Variants in CDYL observed in about 807,000 individuals in gnomAD.
The protein encoded by CDYL is chromodomain Y-like protein.
Under a neutral mutation model 47.3 loss-of-function variants are expected in CDYL, and 8 were observed. The observed-to-expected ratio is 0.17, with a 90% CI of 0.10 to 0.31. The LOEUF (loss-of-function observed/expected upper bound fraction) is 0.31. CDYL is among the 10% of genes least tolerant of loss of function. CDYL has a pLI of 1.00. For missense variants in CDYL, 471 were observed against 701.4 expected, an observed-to-expected ratio of 0.67 and a Z score of 3.71; for synonymous variants, 266 against 265.0, an observed-to-expected ratio of 1.00 and a Z score of -0.04.
At chr6:4,732,948 T>C (rs1321089598) in intron 2 of CDYL, among the ~76,000 whole-genome samples, 3 of 152,134 alleles carry the variant, frequency 2.0e-5, no homozygotes, top group African/African-American at 4.8e-5. Context: ...TGAAAGCTAC[T>C]TCGGATCCTC....
In CDYL at chr6:4,954,189, A is replaced by T; in HGVS notation, c.*133A>T. 1.2e-6 allele frequency: 1 copy of T among 812,318 alleles called. No homozygotes were observed. Among genetic ancestry groups the T allele is most frequent in the Non-Finnish European group, 1.9e-6 (1 of 537,014 alleles). The allele number at this position is 812,318 out of a possible 1,614,324, so 50.3% of individuals were successfully genotyped here. A position where few individuals can be genotyped will look rare whatever the true frequency, so the allele number is the denominator to read the frequency against. On this transcript the variant is annotated 3_prime_UTR_variant, in exon 7 of 7. Coordinates refer to ENST00000397588, the MANE Select transcript of CDYL (RefSeq NM_004824.4). The stretch of plus-strand genomic sequence containing the variant: ...CTTACGCTTGGAAGCAGGACTGGGA[A>T]CATCCACGCTATTTATTATCGAGGA...
chr6:4,865,180 G>A (rs1761286356), intron 1 of CDYL, among the ~76,000 whole-genome samples: 2 of 152,070 alleles, frequency 1.3e-5, no homozygotes, highest in Admixed American at 1.3e-4. Context: ...AGTTACTCCT[G>A]GTCACCTGCT....
At position 4,940,449 on chromosome 6, in the gene CDYL, C is replaced by CTTGGAGGCAAAGGACTTCATCGTT. The variant is rs1477461964; in HGVS notation, c.1121+2735_1121+2736insTTTGGAGGCAAAGGACTTCATCGT. ...GTGTCTTGTCTCATGTTCCTTAAAA[C>CTTGGAGGCAAAGGACTTCATCGTT]TTGGAGGCAAAGGACTTCATCGTAG... On this transcript the variant is annotated intron_variant, in intron 4 of 6. Coordinates refer to ENST00000397588, the MANE Select transcript of CDYL (RefSeq NM_004824.4). Among the ~76,000 whole-genome samples, 977 of 152,270 alleles carry CTTGGAGGCAAAGGACTTCATCGTT rather than the reference C, an allele frequency of 6.4e-3. 48 individuals carry two copies. The highest frequency in any genetic ancestry group is 0.055 in the Admixed American group (845 of 15,286).
At chr6:4,880,042 G>A (rs1005633328) in intron 1 of CDYL, among the ~76,000 whole-genome samples, 2 of 151,790 alleles carry the variant, frequency 1.3e-5, no homozygotes, top group African/African-American at 2.4e-5. Flanking sequence ...ACATTGACAC[G>A]TCATCACCCC....
intron 2 of CDYL, among the ~76,000 whole-genome samples, chr6:4,901,200 A>T (rs1757043544): frequency 6.6e-6 from 1 of 152,176 alleles, no homozygotes; most frequent in African/African-American, 2.4e-5. Flanking sequence ...AATATTTCTA[A>T]CTATAGTTCT....
intron 1 of CDYL, among the ~76,000 whole-genome samples, chr6:4,839,726 TGTAA>T (rs1486141612): frequency 9.2e-5 from 14 of 152,230 alleles, no homozygotes; most frequent in African/African-American, 3.4e-4. Flanking sequence ...ATCAGTTGGC[TGTAA>T]GTATTTGACT....
chr6:4,904,269 C>T (rs1268976017), intron 2 of CDYL, among the ~76,000 whole-genome samples: 2 of 152,228 alleles, frequency 1.3e-5, no homozygotes, highest in East Asian at 1.9e-4. Flanking sequence ...ATGAGATAAA[C>T]TGTCTCTTTT....
Position 4,838,304 on chromosome 6 carries a change from C to T in CDYL, c.25-53409C>T, listed in dbSNP as rs559309219. 2.0e-5 allele frequency among the ~76,000 whole-genome samples: 3 copies of T among 152,082 alleles called. No homozygotes were observed. The South Asian group carries it at 6.2e-4, about 32-fold the overall frequency. On this transcript the variant is annotated intron_variant, in intron 1 of 6. Coordinates refer to ENST00000397588, the MANE Select transcript of CDYL (RefSeq NM_004824.4). ...AATGTGTCGTCTTTTATCCCTCACC[C>T]CCCTCCCACCCTTTCCCCCAAGCCT...
chr6:4,759,170 C>T (rs59797348), intron 3 of CDYL, among the ~76,000 whole-genome samples: 25,624 of 151,836 alleles, frequency 0.17, 3,068 homozygotes, highest in African/African-American at 0.34. Flanking sequence ...GGGGTTTCAC[C>T]GTGTTACCCA....
At chr6:4,716,314 C>T (rs1332844462) in intron 2 of CDYL, among the ~76,000 whole-genome samples, 4 of 151,230 alleles carry the variant, frequency 2.6e-5, no homozygotes, top group Non-Finnish European at 4.4e-5. Flanking sequence ...TCTGGTATTC[C>T]AGTCATAATA....
chr6:4,725,932 A>G (rs143482247), intron 2 of CDYL, among the ~76,000 whole-genome samples: 1 of 151,998 alleles, frequency 6.6e-6, no homozygotes, highest in African/African-American at 2.4e-5. Flanking sequence ...CAAAGCCAAA[A>G]ACAAAAGAGC....
intron 1 of CDYL, among the ~76,000 whole-genome samples, chr6:4,783,293 T>TGCA: frequency 6.6e-6 from 1 of 151,966 alleles, no homozygotes; most frequent in Non-Finnish European, 1.5e-5. Context: ...GTCTTTATTT[T>TGCA]GCCATCATTT....
intron 1 of CDYL, among the ~76,000 whole-genome samples, chr6:4,779,691 C>T (rs1581161432): frequency 6.6e-6 from 1 of 152,130 alleles, no homozygotes; most frequent in Non-Finnish European, 1.5e-5. Flanking sequence ...ATTTTTGATG[C>T]GGCGTAGGTT....
In CDYL at chr6:4,892,182, A is replaced by G; in HGVS notation, c.494A>G (p.Lys165Arg). ...GGCTTTCAGAGCGAGAGCCCTGAGA[A>G]ACTGGACCCCGTCGAGCAGGGTCAG... is the stretch of plus-strand genomic sequence containing the variant. ...VDGFQSESPE[K>R]LDPVEQGQED... is the part of the protein sequence containing the mutation. Residue 165 changes from lysine to arginine, a missense_variant, in exon 2 of 7, where the codon AAA becomes AGA. Coordinates refer to ENST00000397588, the MANE Select transcript of CDYL (RefSeq NM_004824.4). 2 of 1,614,208 alleles carry G rather than the reference A, an allele frequency of 1.2e-6. No individual in the cohort carries two copies. The highest frequency in any genetic ancestry group is 1.7e-6 in the Non-Finnish European group (2 of 1,180,036).
chr6:4,931,664 G>A (rs1758037265), intron 2 of CDYL, among the ~76,000 whole-genome samples: 1 of 152,168 alleles, frequency 6.6e-6, no homozygotes, highest in African/African-American at 2.4e-5. Flanking sequence ...CCTAAATAGT[G>A]CAAAGTTCAG....
At chr6:4,724,561 T>C (rs892111253) in intron 2 of CDYL, 1 of 152,322 alleles carries the variant, frequency 6.6e-6, no homozygotes, top group African/African-American at 2.4e-5. Context: ...AAAGGCAGCG[T>C]GTCCGGAGTT....
chr6:4,910,345 T>C (rs1267817080), intron 2 of CDYL, among the ~76,000 whole-genome samples: 1 of 152,254 alleles, frequency 6.6e-6, no homozygotes, highest in Non-Finnish European at 1.5e-5. Context: ...GATTAAGTTC[T>C]TGTCTGTGGT....
chr6:4,927,428 C>CGCGTGTGTGT (rs1554108576), intron 2 of CDYL, among the ~76,000 whole-genome samples: 1 of 142,458 alleles, frequency 7.0e-6, no homozygotes, highest in Admixed American at 6.9e-5. Flanking sequence ...ATTTACTGTA[C>CGCGTGTGTGT]GTGTGTGTGT....
Position 4,952,401 on chromosome 6 carries a change from A to G in CDYL, c.1468A>G (p.Asn490Asp). 2 of 1,612,104 alleles carry G rather than the reference A, an allele frequency of 1.2e-6. No homozygotes were observed. Among genetic ancestry groups the G allele is most frequent in the African/African-American group, 2.7e-5 (2 of 74,956 alleles). The change falls in exon 6 of 7, where the codon AAT becomes GAT. Residue 490 changes from asparagine (N) to aspartate (D), a missense_variant. This residue lies in a region of CDYL where 57 missense variants were observed against 74.3 expected (regional missense o/e 0.77). Coordinates refer to ENST00000397588, the MANE Select transcript of CDYL (RefSeq NM_004824.4). Reference sequence around the variant, plus strand: ...TCGCATTAAGGAGCTTGCCTCGTGCAATCCAGTTGTATGTCTAATTGCTTC... The same window carrying G: ...TCGCATTAAGGAGCTTGCCTCGTGCGATCCAGTTGTATGTCTAATTGCTTC... ...MVRIKELASC[N>D]PVVLEESKAL... is the part of the protein sequence containing the mutation.
Sources: gnomAD v4.1 joint callset for allele counts (sites outside exome capture counted in the v4.1 genomes callset) on GRCh38, gnomAD v4.1.1 for gene constraint, gnomAD v4.1.1 regional missense constraint, MANE v1.5 for transcripts, NCBI Gene and HGNC (gene_info 2026-07-23, HGNC 2026-07-21) for gene names.